Variants in ESRRG observed in about 807,000 individuals in gnomAD.
ESRRG encodes estrogen related receptor gamma, also known as estrogen-related receptor gamma.
A neutral mutation model predicts 44.0 loss-of-function variants in ESRRG; 13 were observed. The observed-to-expected ratio is 0.30, with a 90% CI of 0.19 to 0.47. The LOEUF (loss-of-function observed/expected upper bound fraction) is 0.47. Among genes scored for constraint, ESRRG ranks in the 20% least tolerant of loss-of-function variants. ESRRG has a pLI of 1.00. For synonymous variants in ESRRG, 215 were observed against 214.6 expected (o/e 1.00, Z -0.02); for missense variants, 395 against 580.6 (o/e 0.68, Z 3.29).
chr1:216,892,160 T>A (rs2149408689), intron 2 of ESRRG, among the ~76,000 whole-genome samples: 1 of 152,276 alleles, frequency 6.6e-6, no homozygotes, highest in African/African-American at 2.4e-5. Context: ...AATTTGAAGT[T>A]ATATAATGAA....
chr1:217,033,582 A>G (rs2082391011), intron 1 of ESRRG, among the ~76,000 whole-genome samples: 2 of 152,216 alleles, frequency 1.3e-5, no homozygotes, highest in African/African-American at 4.8e-5. Flanking sequence ...TACAACTCTG[A>G]ATATACTAGA....
At chr1:216,938,510 G>A (rs945288053) in intron 2 of ESRRG, among the ~76,000 whole-genome samples, 7 of 152,218 alleles carry the variant, frequency 4.6e-5, no homozygotes, top group South Asian at 4.1e-4. Context: ...ATATTCTCCC[G>A]CTGACTACAT....
intron 3 of ESRRG, among the ~76,000 whole-genome samples, chr1:216,625,467 G>T (rs1225403166): frequency 1.4e-5 from 2 of 142,876 alleles, no homozygotes; most frequent in African/African-American, 5.3e-5. Flanking sequence ...TTCTCCATAT[G>T]AAGTTGATCC....
chr1:216,519,111 T>C (rs1438274747), intron 6 of ESRRG, 41 bp downstream of exon 6: 2 of 1,581,798 alleles, frequency 1.3e-6, no homozygotes, highest in Non-Finnish European at 1.7e-6. Context: ...AAAACTGACA[T>C]ATTAAAAAAA....
intron 1 of ESRRG, among the ~76,000 whole-genome samples, chr1:216,721,374 TATTA>T (rs1444406003): frequency 6.6e-6 from 1 of 152,262 alleles, no homozygotes; most frequent in East Asian, 1.9e-4. Context: ...TTCTGTGGTT[TATTA>T]ATTGAGACAG....
chr1:216,734,006 A>C (rs1371986681), intron 2 of ESRRG, among the ~76,000 whole-genome samples: 6 of 151,390 alleles, frequency 4.0e-5, no homozygotes, highest in Middle Eastern at 3.2e-3. Context: ...AAAAAAAAAA[A>C]AACTCACCTT....
intron 1 of ESRRG, among the ~76,000 whole-genome samples, chr1:217,023,871 C>A (rs2150950235): frequency 6.6e-6 from 1 of 152,314 alleles, no homozygotes. Context: ...AGTTCCAGAT[C>A]AGTCTGTGAA....
chr1:216,676,773 T>C (rs1261797665), intron 2 of ESRRG, among the ~76,000 whole-genome samples: 1 of 152,202 alleles, frequency 6.6e-6, no homozygotes, highest in East Asian at 1.9e-4. Context: ...TGTGCATTTG[T>C]ACAGTTGCTA....
At chr1:216,516,666 C>G (rs201229990) in intron 6 of ESRRG, among the ~76,000 whole-genome samples, 4,342 of 128,256 alleles carry the variant, frequency 0.034, 139 homozygotes, top group African/African-American at 0.12. Flanking sequence ...CACACACACA[C>G]ACAGAGAGAG....
At chr1:216,578,035 C>T (rs1050629012) in intron 3 of ESRRG, among the ~76,000 whole-genome samples, 5 of 151,818 alleles carry the variant, frequency 3.3e-5, no homozygotes, top group African/African-American at 1.2e-4. Flanking sequence ...CAAAGAGAGG[C>T]ATGATGTTTG....
At chr1:216,658,871 AAGAGAAGAGAAGAGAAGAGAAG>A (rs2071411769) in intron 2 of ESRRG, among the ~76,000 whole-genome samples, 2 of 89,734 alleles carry the variant, frequency 2.2e-5, no homozygotes, top group Non-Finnish European at 3.0e-5. Flanking sequence ...AAGAGAAGAG[AAGAGAAGAGAAGAGAAGAGAAG>A]AGAAGAGAAG....
At chr1:216,955,809 C>A (rs2067847545) in intron 1 of ESRRG, among the ~76,000 whole-genome samples, 1 of 152,096 alleles carries the variant, frequency 6.6e-6, no homozygotes, top group African/African-American at 2.4e-5. Flanking sequence ...TGATGTTGAA[C>A]ATTTTTTCAA....
At chr1:217,032,694 G>T (rs533655866) in intron 1 of ESRRG, among the ~76,000 whole-genome samples, 1 of 152,318 alleles carries the variant, frequency 6.6e-6, no homozygotes, top group African/African-American at 2.4e-5. Context: ...TTTGAAAACT[G>T]TGGATGAAAT....
intron 2 of ESRRG, among the ~76,000 whole-genome samples, chr1:216,939,362 A>AAAAAAAAAAAAAAAAAAC (rs2064793717): frequency 7.0e-6 from 1 of 142,568 alleles, no homozygotes; most frequent in Non-Finnish European, 1.5e-5. Context: ...AAAAAAAAAA[A>AAAAAAAAAAAAAAAAAAC]AAAAAAAACA....
At chr1:216,693,144 T>C (rs1246778867) in intron 1 of ESRRG, among the ~76,000 whole-genome samples, 5 of 152,218 alleles carry the variant, frequency 3.3e-5, no homozygotes, top group African/African-American at 1.2e-4. Context: ...AAAAGTACAA[T>C]TCGGTTATTA....
intron 3 of ESRRG, among the ~76,000 whole-genome samples, chr1:216,626,055 A>G (rs2063143274): frequency 6.6e-6 from 1 of 152,146 alleles, no homozygotes; most frequent in Non-Finnish European, 1.5e-5. Context: ...TGCATTCCTC[A>G]AAGCACCTGA....
At chr1:217,114,816 G>A (rs189470974) in intron 1 of ESRRG, among the ~76,000 whole-genome samples, 3 of 151,278 alleles carry the variant, frequency 2.0e-5, no homozygotes, top group South Asian at 2.1e-4. Flanking sequence ...GCCACCACAC[G>A]CAGCTAATTT....
intron 1 of ESRRG, among the ~76,000 whole-genome samples, chr1:217,024,154 G>A (rs1485133219): frequency 6.6e-6 from 1 of 151,996 alleles, no homozygotes; most frequent in Non-Finnish European, 1.5e-5. Flanking sequence ...GTCAGGAGAT[G>A]GAGACCATCC....
chr1:217,132,765 G>A (rs994234289), intron 1 of ESRRG, among the ~76,000 whole-genome samples: 1 of 152,018 alleles, frequency 6.6e-6, no homozygotes, highest in Non-Finnish European at 1.5e-5. Flanking sequence ...TCCTTGCCTC[G>A]TTTTGGGGGT....
Sources: gnomAD v4.1 joint callset for allele counts (sites outside exome capture counted in the v4.1 genomes callset) on GRCh38, gnomAD v4.1.1 for gene constraint, MANE v1.5 for transcripts, NCBI Gene and HGNC (gene_info 2026-07-23, HGNC 2026-07-21) for gene names.